Variants in SGO2 observed in about 807,000 individuals in gnomAD.
SGO2 encodes the protein shugoshin-like 2.
Under a neutral mutation model 99.5 loss-of-function variants are expected in SGO2, and 68 were observed. That is an observed-to-expected ratio of 0.68 (90% confidence interval 0.56 to 0.84). SGO2 has a LOEUF of 0.84. Ranked by LOEUF, SGO2 falls within the 40% of genes least tolerant of loss-of-function variation. The pLI is 0.00. For missense variants in SGO2, 1,350 were observed against 1,436.7 expected (o/e 0.94, Z 0.97); for synonymous variants, 457 against 487.1 (o/e 0.94, Z 0.81).
chr2:200,549,750 C>A (rs2032381942), intron 5 of SGO2, among the ~76,000 whole-genome samples: 1 of 152,144 alleles, frequency 6.6e-6, no homozygotes, highest in Non-Finnish European at 1.5e-5. Context: ...AAAGAATATA[C>A]CTCAAAGTAG....
At chr2:200,557,171 C>T (rs967654170) in intron 5 of SGO2, among the ~76,000 whole-genome samples, 6 of 152,140 alleles carry the variant, frequency 3.9e-5, no homozygotes, top group Non-Finnish European at 5.9e-5. Flanking sequence ...CAAATTTGTT[C>T]GTAGCCAAGA....
Position 200,569,687 on chromosome 2 carries a change from T to A in SGO2, c.498T>A (p.Asp166Glu). The stretch of plus-strand genomic sequence containing the variant: ...GGGTTCCATTAACTTCAAATGATGA[T>A]GAAGATGAAGATAAAGAGAAAATGC... ...FARVPLTSND[D>E]EDEDKEKMQC... Residue 166 changes from aspartate to glutamate, a missense_variant, in exon 6 of 9, where the codon GAT becomes GAA. Physicochemically the swap from Asp to Glu is conservative, Grantham distance 45. Coordinates refer to ENST00000357799, the MANE Select transcript of SGO2 (RefSeq NM_152524.6). The A allele has an allele frequency of 6.2e-7, 1 of 1,608,406 alleles. No homozygotes were observed. The highest frequency in any genetic ancestry group is 8.5e-7 in the Non-Finnish European group (1 of 1,177,498).
At position 200,583,393 on chromosome 2, in the gene SGO2, C is replaced by G. The variant is rs116169039; in HGVS notation, c.3783-56C>G. ...AAACAATTTTCTTCTCCATGCTTCA[C>G]AGCAAAAGCATTAATTTTGGGTTGT... On this transcript the variant is annotated intron_variant, in intron 8 of 8. Transcript: ENST00000357799. The G allele has an allele frequency of 8.4e-3, 12,557 of 1,494,370 alleles. 75 individuals are homozygous for G. Among genetic ancestry groups the G allele is most frequent in the Non-Finnish European group, 9.6e-3 (10,560 of 1,097,428 alleles). The allele number at this position is 1,494,370 out of a possible 1,614,324, so 92.6% of individuals were successfully genotyped here.
At position 200,571,411 on chromosome 2, in the gene SGO2, A is replaced by G. The variant is rs2033418707; in HGVS notation, c.1065A>G (p.Gln355=). The change falls in exon 7 of 9, where the codon CAA becomes CAG. Residue 355 remains glutamine (Q), a synonymous_variant. Transcript: ENST00000357799. ...MNQIEDNDDF[Q]LQKTVYDADM... ...AAATTGAGGATAATGATGACTTTCA[A>G]TTGCAGAAAACTGTGTATGATGCTG... 2 of 1,609,592 alleles carry G rather than the reference A, an allele frequency of 1.2e-6. No homozygotes were observed. The highest frequency in any genetic ancestry group is 1.1e-5 in the South Asian group (1 of 90,606).
At chr2:200,548,666 G>A (rs1559204962) in intron 5 of SGO2, among the ~76,000 whole-genome samples, 2 of 152,092 alleles carry the variant, frequency 1.3e-5, no homozygotes, top group African/African-American at 2.4e-5. Flanking sequence ...AAAATGAAAA[G>A]TTGGTTTTTT....
At chr2:200,550,911 T>C (rs1302693162) in intron 5 of SGO2, among the ~76,000 whole-genome samples, 1 of 151,548 alleles carries the variant, frequency 6.6e-6, no homozygotes, top group Non-Finnish European at 1.5e-5. Flanking sequence ...ACCCATATAA[T>C]GTGAGAAAAT....
intron 4 of SGO2, among the ~76,000 whole-genome samples, chr2:200,540,466 G>T (rs1365601205): frequency 6.6e-6 from 1 of 152,150 alleles, no homozygotes; most frequent in East Asian, 1.9e-4. Flanking sequence ...CTGATGAGTG[G>T]GTCTGAGAGT....
chr2:200,541,071 C>T (rs981685406), intron 4 of SGO2, among the ~76,000 whole-genome samples: 1 of 152,182 alleles, frequency 6.6e-6, no homozygotes, highest in Non-Finnish European at 1.5e-5. Flanking sequence ...GGAGACCAGA[C>T]TCCTGTAACC....
rs971306553 is a variant in SGO2 at position 200,571,553 on chromosome 2, G to A, written c.1207G>A (p.Asp403Asn). The change falls in exon 7 of 9, where the codon GAT (aspartate) becomes AAT (asparagine). Residue 403 changes from aspartate (D) to asparagine (N), a missense_variant. Transcript: ENST00000357799. Reference sequence around the variant, plus strand: ...AATGAAAACTTTCAGAAAAGTGAAAGATTCCAGCTCTGAAAAAAAGAGAGA... The same window carrying A: ...AATGAAAACTTTCAGAAAAGTGAAAAATTCCAGCTCTGAAAAAAAGAGAGA... ...HGMKTFRKVK[D>N]SSSEKKRERS... The A allele has an allele frequency of 6.2e-7, 1 of 1,612,326 alleles. No individual in the cohort carries two copies. The highest frequency in any genetic ancestry group is 8.5e-7 in the Non-Finnish European group (1 of 1,179,510).
chr2:200,556,649 A>G (rs1484746832), intron 5 of SGO2, among the ~76,000 whole-genome samples: 1 of 152,242 alleles, frequency 6.6e-6, no homozygotes, highest in African/African-American at 2.4e-5. Context: ...ATTGAACCCA[A>G]GCTGCCATAG....
At chr2:200,543,655 C>T (rs887508607) in intron 5 of SGO2, 1 of 152,068 alleles carries the variant, frequency 6.6e-6, no homozygotes, top group African/African-American at 2.4e-5. Flanking sequence ...GTAGTTTGTT[C>T]CATTGACTTG....
chr2:200,574,129 C>T (rs2033566824), intron 7 of SGO2, 152 bp downstream of exon 7: 1 of 509,748 alleles, frequency 2.0e-6, no homozygotes, highest in Non-Finnish European at 3.2e-6. Context: ...ATAGAAATAG[C>T]ATGAAGGAAT....
chr2:200,535,585 T>C (rs1366228634), intron 3 of SGO2, among the ~76,000 whole-genome samples: 1 of 152,118 alleles, frequency 6.6e-6, no homozygotes. Context: ...AGTTGTTTCT[T>C]TTCCTTCCAA....
intron 5 of SGO2, among the ~76,000 whole-genome samples, chr2:200,553,332 C>T (rs989673045): frequency 6.6e-6 from 1 of 152,110 alleles, no homozygotes; most frequent in Non-Finnish European, 1.5e-5. Flanking sequence ...ATTGTTGAAA[C>T]CAAGCTAATA....
rs761546630 is a variant in SGO2, at chr2:200,573,423, T to C, written c.3077T>C (p.Ile1026Thr). ...SISLESDLKH[I>T]TSEADSDPGN... The stretch of plus-strand genomic sequence containing the variant: ...TCCTTAGAATCTGATTTAAAACATA[T>C]TACTAGTGAAGCAGATTCTGATCCA... The change falls in exon 7 of 9, where the codon ATT becomes ACT. Residue 1026 changes from isoleucine to threonine, a missense_variant. Coordinates refer to ENST00000357799, the MANE Select transcript of SGO2 (RefSeq NM_152524.6). The C allele has an allele frequency of 5.6e-6, 9 of 1,608,124 alleles. No individual in the cohort carries two copies. The highest frequency in any genetic ancestry group is 1.1e-5 in the South Asian group (1 of 89,374).
Position 200,572,885 on chromosome 2 carries a change from A to C in SGO2, c.2539A>C (p.Lys847Gln). 6.3e-7 allele frequency: 1 copy of C among 1,590,960 alleles called. No homozygotes were observed. The highest frequency in any genetic ancestry group is 8.5e-7 in the Non-Finnish European group (1 of 1,172,774). Reference protein sequence around the residue: ...EKDNFFSLTPKDKETISENLQ... With the variant: ...EKDNFFSLTPQDKETISENLQ... ...AGATAACTTCTTCTCTCTAACCCCA[A>C]AGGATAAAGAAACAATTTCTGAAAA... is the stretch of plus-strand genomic sequence containing the variant. Residue 847 changes from lysine (K) to glutamine (Q), a missense_variant, in exon 7 of 9, where the codon AAG becomes CAG. Physicochemically the swap from Lys to Gln is moderately conservative, Grantham distance 53. Coordinates refer to ENST00000357799, the MANE Select transcript of SGO2 (RefSeq NM_152524.6).
chr2:200,572,694 A>G lies in SGO2; in HGVS notation c.2348A>G (p.Gln783Arg). The change falls in exon 7 of 9, where the codon CAA becomes CGA. Residue 783 changes from glutamine to arginine, a missense_variant. Physicochemically the swap from Gln to Arg is conservative, Grantham distance 43. Coordinates refer to ENST00000357799, the MANE Select transcript of SGO2 (RefSeq NM_152524.6). ...GGAAACCTGTATGATTCTGAGATTC[A>G]AAATGTTTTGGGGGTGAAACATGGC... ...DSGNLYDSEI[Q>R]NVLGVKHGHD... 1 of 1,612,232 alleles carries G rather than the reference A, an allele frequency of 6.2e-7. No individual in the cohort carries two copies. Among genetic ancestry groups the G allele is most frequent in the South Asian group, 1.1e-5 (1 of 90,626 alleles).
Position 200,539,148 on chromosome 2 carries a change from G to C in SGO2, c.387+3006G>C, listed in dbSNP as rs546023336. Among the ~76,000 whole-genome samples the C allele has an allele frequency of 2.6e-4, 39 of 152,196 alleles. No individual in the cohort carries two copies. The South Asian group carries it at 7.9e-3, about 31-fold the overall frequency. ...CATCTGGACCTGGGACTTTTCTGAT[G>C]AGAGTGATAGTAGCTTTTTGTTGAC... On this transcript the variant is annotated intron_variant, in intron 4 of 8. Coordinates refer to ENST00000357799, the MANE Select transcript of SGO2 (RefSeq NM_152524.6).
chr2:200,572,902 T>C lies in SGO2; in HGVS notation c.2556T>C (p.Ile852=). 2.5e-6 allele frequency: 4 copies of C among 1,591,068 alleles called. No homozygotes were observed. Among genetic ancestry groups the C allele is most frequent in the Non-Finnish European group, 3.4e-6 (4 of 1,173,064 alleles). Residue 852 remains isoleucine (I), a synonymous_variant, in exon 7 of 9, where the codon ATT becomes ATC. Transcript: ENST00000357799. Reference sequence around the variant, plus strand: ...TAACCCCAAAGGATAAAGAAACAATTTCTGAAAATCTACAAGTCACAAATG... The same window carrying C: ...TAACCCCAAAGGATAAAGAAACAATCTCTGAAAATCTACAAGTCACAAATG... ...FSLTPKDKET[I]SENLQVTNEF...
Sources: allele counts gnomAD v4.1 joint callset (sites outside exome capture counted in the v4.1 genomes callset), GRCh38; gene constraint gnomAD v4.1.1; transcripts MANE v1.5; gene names NCBI Gene and HGNC (gene_info 2026-07-23, HGNC 2026-07-21).